ATP6V0D1: variants seen among roughly 807,000 people sequenced by gnomAD.
ATP6V0D1 encodes V-type proton ATPase subunit d 1.
ATP6V0D1 carries 13 observed loss-of-function variants against 39.0 expected under a neutral mutation model. That is an observed-to-expected ratio of 0.33 (90% CI 0.22 to 0.53). ATP6V0D1 has a LOEUF of 0.53. ATP6V0D1 is among the 20% of genes least tolerant of loss of function. The pLI, the probability that ATP6V0D1 is intolerant of heterozygous loss-of-function variation, is 0.94. For synonymous variants in ATP6V0D1, 191 were observed against 191.2 expected (o/e 1.00, Z 0.01); for missense variants, 272 against 470.9 (o/e 0.58, Z 3.91).
intron 1 of ATP6V0D1, among the ~76,000 whole-genome samples, chr16:67,458,489 TGA>T (rs921942633): frequency 1.4e-4 from 21 of 152,254 alleles, no homozygotes; most frequent in Admixed American, 2.6e-4. Flanking sequence ...TGATGGCCAC[TGA>T]GAGGCCCAGA....
At chr16:67,467,152 G>A (rs2041336782) in intron 1 of ATP6V0D1, among the ~76,000 whole-genome samples, 1 of 152,146 alleles carries the variant, frequency 6.6e-6, no homozygotes, top group African/African-American at 2.4e-5. Context: ...GGGGTTGGGG[G>A]GTGGGAGACT....
At chr16:67,450,547 G>A (rs1489401412) in intron 2 of ATP6V0D1, among the ~76,000 whole-genome samples, 1 of 152,170 alleles carries the variant, frequency 6.6e-6, no homozygotes, top group Admixed American at 6.5e-5. Flanking sequence ...GGGGGGCTGG[G>A]GGGTGGACAC....
At chr16:67,467,673 C>T (rs947628420) in intron 1 of ATP6V0D1, among the ~76,000 whole-genome samples, 1 of 152,212 alleles carries the variant, frequency 6.6e-6, no homozygotes, top group African/African-American at 2.4e-5. Flanking sequence ...GGAAGGGAGC[C>T]ATGGTCTGCC....
intron 1 of ATP6V0D1, among the ~76,000 whole-genome samples, chr16:67,471,995 C>T (rs1283572716): frequency 6.6e-6 from 1 of 152,124 alleles, no homozygotes. Context: ...CACAATTCCC[C>T]TTTTCTTCAC....
At chr16:67,478,353 C>A (rs1466562298) in intron 1 of ATP6V0D1, among the ~76,000 whole-genome samples, 2 of 152,106 alleles carry the variant, frequency 1.3e-5, no homozygotes, top group Non-Finnish European at 2.9e-5. Flanking sequence ...TGGCTCACGC[C>A]TGCAATCCCA....
At chr16:67,454,559 G>GTTTTTTT (rs2041217873) in intron 1 of ATP6V0D1, 1 of 148,440 alleles carries the variant, frequency 6.7e-6, no homozygotes, top group African/African-American at 2.6e-5. Flanking sequence ...TTTGTTTTTT[G>GTTTTTTT]TTTGTTTGTT....
intron 1 of ATP6V0D1, among the ~76,000 whole-genome samples, chr16:67,477,326 A>T (rs568525690): frequency 6.6e-6 from 1 of 152,314 alleles, no homozygotes; most frequent in South Asian, 2.1e-4. Flanking sequence ...AATAAATCAT[A>T]TTTTAAAAAT....
intron 1 of ATP6V0D1, 125 bp downstream of exon 1, chr16:67,480,832 C>G: frequency 1.5e-6 from 2 of 1,373,602 alleles, no homozygotes; most frequent in Non-Finnish European, 2.0e-6. Flanking sequence ...CCGCTATCAG[C>G]CCCAGGATTC....
chr16:67,449,836 G>A (rs1317736122), intron 2 of ATP6V0D1, among the ~76,000 whole-genome samples: 4 of 152,232 alleles, frequency 2.6e-5, no homozygotes, highest in Admixed American at 1.3e-4. Flanking sequence ...CTGGTTATGT[G>A]TGCGGCTGAA....
intron 2 of ATP6V0D1, chr16:67,445,867 G>A: frequency 2.2e-6 from 1 of 453,498 alleles, no homozygotes. Flanking sequence ...GGCTGCAGTA[G>A]CCACAACTAT....
At chr16:67,470,245 T>C (rs2041362144) in intron 1 of ATP6V0D1, among the ~76,000 whole-genome samples, 1 of 152,234 alleles carries the variant, frequency 6.6e-6, no homozygotes, top group South Asian at 2.1e-4. Context: ...ATACATGCAG[T>C]GTTTTGACAA....
Position 67,456,376 on chromosome 16 carries a change from T to C in ATP6V0D1, c.131-2661A>G, listed in dbSNP as rs1473388166. On this transcript the variant is annotated intron_variant, in intron 1 of 7. Transcript: ENST00000290949. The surrounding 1 kb of genome is among the most constrained non-coding windows in gnomAD (Gnocchi z 4.1). ...TGATGTGGTTTTTGTGGATGTGAAA[T>C]GGTAAGAATATTAACTGGTTCCTCT... 1 of 152,226 alleles carries C rather than the reference T, an allele frequency of 6.6e-6. No homozygotes were observed. Among genetic ancestry groups the C allele is most frequent in the East Asian group, 1.9e-4 (1 of 5,194 alleles). The allele number at this position is 152,226 out of a possible 1,614,324, so 9.4% of individuals were successfully genotyped here.
At chr16:67,473,220 TG>T (rs575768414) in intron 1 of ATP6V0D1, among the ~76,000 whole-genome samples, 45 of 151,768 alleles carry the variant, frequency 3.0e-4, no homozygotes, top group Admixed American at 3.3e-4. Context: ...AATTTGGGGC[TG>T]GGGGGGGTGG....
intron 1 of ATP6V0D1, among the ~76,000 whole-genome samples, chr16:67,469,460 A>C (rs1382201684): frequency 6.6e-6 from 1 of 152,234 alleles, no homozygotes; most frequent in Non-Finnish European, 1.5e-5. Context: ...ACCTGCTCAC[A>C]GTGGCTATAC....
At chr16:67,442,765 G>A (rs546509617) in intron 4 of ATP6V0D1, among the ~76,000 whole-genome samples, 15 of 152,262 alleles carry the variant, frequency 9.9e-5, no homozygotes, top group African/African-American at 2.4e-4. Flanking sequence ...TAGGTAGGGC[G>A]GTTCCAGGGG....
chr16:67,451,452 G>A (rs1440696836), intron 2 of ATP6V0D1, among the ~76,000 whole-genome samples: 1 of 152,198 alleles, frequency 6.6e-6, no homozygotes. Flanking sequence ...GAGTGGGCTG[G>A]AGGGCCTGAA....
At chr16:67,460,194 G>A (rs1458270775) in intron 1 of ATP6V0D1, among the ~76,000 whole-genome samples, 2 of 152,166 alleles carry the variant, frequency 1.3e-5, no homozygotes, top group Admixed American at 6.5e-5. Context: ...CTGAGAAGTC[G>A]GCTTCGAAGG....
chr16:67,467,090 G>A (rs1292761047), intron 1 of ATP6V0D1, among the ~76,000 whole-genome samples: 1 of 152,042 alleles, frequency 6.6e-6, no homozygotes, highest in Non-Finnish European at 1.5e-5. Context: ...TCTAATAAAA[G>A]CAAGTGCTTA....
chr16:67,454,562 TGTTTG>T (rs2041217994), intron 1 of ATP6V0D1: 4 of 151,564 alleles, frequency 2.6e-5, no homozygotes, highest in African/African-American at 9.7e-5. Flanking sequence ...GTTTTTTGTT[TGTTTG>T]TTTTTTTTTT....
Sources: allele counts gnomAD v4.1 joint callset (sites outside exome capture counted in the v4.1 genomes callset), GRCh38; gene constraint gnomAD v4.1.1; non-coding constraint Gnocchi (gnomAD v3.1); transcripts MANE v1.5; gene names NCBI Gene and HGNC (gene_info 2026-07-23, HGNC 2026-07-21).